Variants in LDLRAD4 observed in about 807,000 individuals in gnomAD.
The protein encoded by LDLRAD4 is low density lipoprotein receptor class A domain containing 4.
LDLRAD4 carries 5 observed loss-of-function variants against 17.0 expected under a neutral mutation model. The ratio of observed to expected loss-of-function variants is 0.29; its 90% confidence interval spans 0.15 to 0.62. LDLRAD4 has a LOEUF of 0.62. Among genes scored for constraint, LDLRAD4 ranks in the 20% least tolerant of loss-of-function variants. LDLRAD4 has a pLI of 0.84. For synonymous variants in LDLRAD4, 168 were observed against 171.8 expected, an observed-to-expected ratio of 0.98 and a Z score of 0.17; for missense variants, 340 against 424.7, an observed-to-expected ratio of 0.80 and a Z score of 1.75.
intron 1 of LDLRAD4, among the ~76,000 whole-genome samples, chr18:13,224,309 C>T (rs1212519076): frequency 6.6e-6 from 1 of 152,144 alleles, no homozygotes; most frequent in Non-Finnish European, 1.5e-5. Flanking sequence ...CTCCCCATGG[C>T]ACCTCTGGGT....
At chr18:13,269,876 G>A (rs982761700) in intron 1 of LDLRAD4, among the ~76,000 whole-genome samples, 2 of 152,162 alleles carry the variant, frequency 1.3e-5, no homozygotes, top group South Asian at 2.1e-4. Flanking sequence ...GGCCCTGTCC[G>A]TCACCTGACA....
intron 3 of LDLRAD4, among the ~76,000 whole-genome samples, chr18:13,456,278 C>T (rs2092127911): frequency 6.6e-6 from 1 of 152,172 alleles, no homozygotes; most frequent in Admixed American, 6.5e-5. Flanking sequence ...GCATGGTCCC[C>T]CCGCCGTCTG....
At chr18:13,275,740 A>G (rs2044824561), upstream of LDLRAD4, among the ~76,000 whole-genome samples, 1 of 151,232 alleles carries the variant, frequency 6.6e-6, no homozygotes, top group Non-Finnish European at 1.5e-5. Context: ...GTAAATACAT[A>G]TACCTACTAT....
intron 3 of LDLRAD4, among the ~76,000 whole-genome samples, chr18:13,608,417 G>A (rs1002448039): frequency 2.0e-5 from 3 of 152,158 alleles, no homozygotes; most frequent in African/African-American, 7.2e-5. Context: ...TGGGCTGGGT[G>A]AGATGCTAAC....
Position 13,246,007 on chromosome 18 carries a change from C to A in LDLRAD4, c.-467+27019C>A, listed in dbSNP as rs1412884480. 2.0e-5 allele frequency among the ~76,000 whole-genome samples: 3 copies of A among 152,226 alleles called. No homozygotes were observed. In the East Asian group the frequency reaches 5.8e-4, roughly 29 times the overall value. On this transcript the variant is annotated intron_variant, in intron 1 of 5. Transcript: ENST00000399848. Reference sequence around the variant, plus strand: ...TATCTGCCTGGAATTACAAGGCAGGCACTGACAGATGTATAAGTAGATGCT... The same window carrying A: ...TATCTGCCTGGAATTACAAGGCAGGAACTGACAGATGTATAAGTAGATGCT...
intron 1 of LDLRAD4, among the ~76,000 whole-genome samples, chr18:13,369,168 G>A (rs1236178396): frequency 6.6e-6 from 1 of 152,222 alleles, no homozygotes; most frequent in Admixed American, 6.5e-5. Flanking sequence ...ACAGGCAGGG[G>A]ACGTGGGAAC....
At chr18:13,416,087 G>T (rs1288745552) in intron 2 of LDLRAD4, among the ~76,000 whole-genome samples, 7 of 152,232 alleles carry the variant, frequency 4.6e-5, no homozygotes, top group Admixed American at 3.9e-4. Flanking sequence ...GATCGGGCTG[G>T]CGGGGACACT....
In LDLRAD4 at chr18:13,643,161, C is replaced by G. The variant is rs1393943875; in HGVS notation, c.337-198C>G. Among the ~76,000 whole-genome samples the G allele has an allele frequency of 1.3e-5, 2 of 152,132 alleles. 1 individual carries two copies. The highest frequency in any genetic ancestry group is 4.2e-4 in the South Asian group (2 of 4,808). ...ATGTTGGCCAGGCTGGTCTCGAACTCCTGACCTCGTGATCCATCCGCCTCT... is the reference window on the plus strand; with the variant it reads ...ATGTTGGCCAGGCTGGTCTCGAACTGCTGACCTCGTGATCCATCCGCCTCT... On this transcript the variant is annotated intron_variant, in intron 4 of 5. Coordinates refer to ENST00000359446, the Ensembl canonical transcript of LDLRAD4.
At position 13,311,001 on chromosome 18, in the gene LDLRAD4, CCCT is replaced by C. The variant is rs554064751; in HGVS notation, c.-383+32818_-383+32820del. Among the ~76,000 whole-genome samples the C allele has an allele frequency of 2.6e-3, 398 of 152,212 alleles. 2 individuals carry two copies. Among genetic ancestry groups the C allele is most frequent in the African/African-American group, 9.4e-3 (391 of 41,530 alleles). On this transcript the variant is annotated intron_variant, in intron 1 of 5. Transcript: ENST00000359446. ...TTACATAACTCACAGAGTCTCAGCTCCCTCCTCTGTAAAATGCAGAAAGTGATA... is the reference window on the plus strand; with the variant it reads ...TTACATAACTCACAGAGTCTCAGCTCCCTCTGTAAAATGCAGAAAGTGATA...
intron 3 of LDLRAD4, among the ~76,000 whole-genome samples, chr18:13,505,772 C>A (rs1240183208): frequency 6.6e-6 from 1 of 151,872 alleles, no homozygotes; most frequent in South Asian, 2.1e-4. Context: ...GAGCCGAGAT[C>A]GCACCACTGC....
intron 2 of LDLRAD4, among the ~76,000 whole-genome samples, chr18:13,407,105 G>T (rs1180886240): frequency 6.6e-6 from 1 of 151,856 alleles, no homozygotes; most frequent in African/African-American, 2.4e-5. Context: ...CTTTTGATGG[G>T]TTCTCTGTGT....
chr18:13,541,743 C>G (rs113474343), intron 3 of LDLRAD4, among the ~76,000 whole-genome samples: 13 of 152,304 alleles, frequency 8.5e-5, no homozygotes, highest in Admixed American at 2.6e-4. Flanking sequence ...AGGAGTTTAG[C>G]ACACTGAGAG....
intron 1 of LDLRAD4, among the ~76,000 whole-genome samples, chr18:13,265,617 T>A (rs1417446641): frequency 1.3e-5 from 2 of 152,208 alleles, no homozygotes; most frequent in Non-Finnish European, 2.9e-5. Flanking sequence ...GATCCCTGAC[T>A]CACTGAGAAA....
At chr18:13,375,542 G>A (rs536424060) in intron 1 of LDLRAD4, among the ~76,000 whole-genome samples, 11 of 152,318 alleles carry the variant, frequency 7.2e-5, no homozygotes, top group South Asian at 4.1e-4. Flanking sequence ...GGGCAGGGCC[G>A]AAGCTGAGTG....
chr18:13,342,266 G>T (rs4797764), intron 1 of LDLRAD4, among the ~76,000 whole-genome samples: 65,876 of 151,762 alleles, frequency 0.43, 16,994 homozygotes, highest in Non-Finnish European at 0.57. Flanking sequence ...GTTAGAAAAC[G>T]TTCCTTCCTC....
At chr18:13,346,452 A>T (rs1447162479) in intron 1 of LDLRAD4, among the ~76,000 whole-genome samples, 4 of 151,830 alleles carry the variant, frequency 2.6e-5, no homozygotes, top group Non-Finnish European at 5.9e-5. Flanking sequence ...CAGTTTGTTA[A>T]AATTTCTGTT....
intron 3 of LDLRAD4, among the ~76,000 whole-genome samples, chr18:13,468,861 GA>G (rs969020016): frequency 2.8e-5 from 3 of 108,186 alleles, no homozygotes; most frequent in African/African-American, 1.1e-4. Context: ...GGGGTGGGGG[GA>G]GGGGGGAGGG....
chr18:13,278,870 G>A, intron 1 of LDLRAD4, among the ~76,000 whole-genome samples: 1 of 152,202 alleles, frequency 6.6e-6, no homozygotes, highest in East Asian at 1.9e-4. Context: ...ACAACTTGAT[G>A]AGGAATCCCC....
At chr18:13,467,563 A>G (rs900758144) in intron 3 of LDLRAD4, among the ~76,000 whole-genome samples, 1 of 152,236 alleles carries the variant, frequency 6.6e-6, no homozygotes, top group Non-Finnish European at 1.5e-5. Flanking sequence ...CTAACACATA[A>G]ATACTACCTA....
Sources: gnomAD v4.1 joint callset for allele counts (sites outside exome capture counted in the v4.1 genomes callset) on GRCh38, gnomAD v4.1.1 for gene constraint, MANE v1.5 for transcripts, NCBI Gene and HGNC (gene_info 2026-07-23, HGNC 2026-07-21) for gene names.